ZNF143: variants seen among roughly 807,000 people sequenced by gnomAD.
ZNF143 encodes zinc finger protein 143.
Under a neutral mutation model 74.1 loss-of-function variants are expected in ZNF143, and 49 were observed. The ratio of observed to expected loss-of-function variants is 0.66; its 90% CI spans 0.53 to 0.84. The LOEUF (loss-of-function observed/expected upper bound fraction) is 0.84, where lower values mean the gene tolerates loss of function less well. Among genes scored for constraint, ZNF143 ranks in the 40% least tolerant of loss-of-function variants. The probability of loss-of-function intolerance (pLI) is 0.00; values close to 1 mark genes in which losing one functional copy is unlikely to be tolerated. For missense variants in ZNF143, 637 were observed against 793.4 expected (o/e 0.80, Z 2.37); for synonymous variants, 304 against 282.8 (o/e 1.07, Z -0.75).
rs902462961 is a variant in ZNF143, at chr11:9,489,797, T to G, written c.646-4849T>G. On this transcript the variant is annotated intron_variant, in intron 7 of 15. Coordinates refer to ENST00000396602, the MANE Select transcript of ZNF143 (RefSeq NM_003442.6). ...GAAGAAGAGTCCTTTTCTCTTAATT[T>G]GGAGTCTTCAATTGAAATCTGCCTT... Among the ~76,000 whole-genome samples, 2 of 152,210 alleles carry G rather than the reference T, an allele frequency of 1.3e-5. 1 individual carries two copies. Among genetic ancestry groups the G allele is most frequent in the South Asian group, 4.1e-4 (2 of 4,836 alleles).
intron 9 of ZNF143, 97 bp from the exon 10 acceptor site, chr11:9,497,578 A>G: frequency 1.0e-6 from 1 of 954,534 alleles, no homozygotes; most frequent in Non-Finnish European, 1.5e-6. Flanking sequence ...CTGATATTTT[A>G]TACTTGGTAT....
At chr11:9,485,343 C>A (rs1463850511) in intron 7 of ZNF143, among the ~76,000 whole-genome samples, 2 of 140,680 alleles carry the variant, frequency 1.4e-5, no homozygotes, top group Non-Finnish European at 1.5e-5. Context: ...TTTTTTCTCT[C>A]TCTCTTTTTT....
chr11:9,495,224 A>G (rs1452184542), intron 8 of ZNF143, among the ~76,000 whole-genome samples: 1 of 152,132 alleles, frequency 6.6e-6, no homozygotes, highest in Admixed American at 6.6e-5. Context: ...CGGGTGGATC[A>G]CCTGAGGTCA....
intron 12 of ZNF143, among the ~76,000 whole-genome samples, chr11:9,510,701 A>G (rs537824326): frequency 6.6e-6 from 1 of 152,254 alleles, no homozygotes; most frequent in Admixed American, 6.5e-5. Flanking sequence ...AAGTACTCTT[A>G]GATTAGCATA....
At chr11:9,515,597 T>C (rs1848693990) in intron 13 of ZNF143, among the ~76,000 whole-genome samples, 1 of 146,410 alleles carries the variant, frequency 6.8e-6, no homozygotes, top group Non-Finnish European at 1.5e-5. Context: ...GAGCTTCCAG[T>C]AAGCAGAGAT....
intron 7 of ZNF143, among the ~76,000 whole-genome samples, chr11:9,486,429 T>TATAATTA (rs1554964464): frequency 2.2e-5 from 1 of 45,224 alleles, no homozygotes; most frequent in Non-Finnish European, 4.4e-5. Flanking sequence ...ATTATATATA[T>TATAATTA]TATATATATA....
At chr11:9,516,161 A>C (rs770520535) in intron 13 of ZNF143, 40 bp from the exon 14 acceptor site, 150 of 1,605,640 alleles carry the variant, frequency 9.3e-5, no homozygotes, top group Non-Finnish European at 1.2e-4. Flanking sequence ...CAGCTATAAC[A>C]AGAAACATTG....
chr11:9,486,509 A>G (rs1200297327), intron 7 of ZNF143, among the ~76,000 whole-genome samples: 1 of 119,236 alleles, frequency 8.4e-6, no homozygotes, highest in Non-Finnish European at 1.7e-5. Context: ...GTCAGGGACT[A>G]GCAGATCTCT....
chr11:9,480,900 GAAAAA>G (rs996501321), intron 7 of ZNF143, among the ~76,000 whole-genome samples: 6 of 147,932 alleles, frequency 4.1e-5, no homozygotes, highest in African/African-American at 1.5e-4. Context: ...AAAAAAAAAA[GAAAAA>G]AGAAAAAGAA....
chr11:9,477,156 T>A (rs1301202357), intron 5 of ZNF143, among the ~76,000 whole-genome samples: 1 of 143,670 alleles, frequency 7.0e-6, no homozygotes, highest in East Asian at 2.0e-4. Context: ...CCTTCCTTCC[T>A]TCCTTCCTTC....
chr11:9,492,744 A>C (rs1197840518), intron 7 of ZNF143, among the ~76,000 whole-genome samples: 1 of 152,220 alleles, frequency 6.6e-6, no homozygotes, highest in Non-Finnish European at 1.5e-5. Flanking sequence ...TTTCAGGGTG[A>C]ACCTAGCACT....
intron 14 of ZNF143, among the ~76,000 whole-genome samples, chr11:9,521,473 G>A (rs1848924308): frequency 6.6e-6 from 1 of 152,044 alleles, no homozygotes; most frequent in African/African-American, 2.4e-5. Context: ...TCTGATAGTT[G>A]TGTAAGATTG....
chr11:9,516,423 G>T lies in ZNF143; in HGVS notation c.1686+61G>T, dbSNP rs1179678252. 2.8e-6 allele frequency: 4 copies of T among 1,448,540 alleles called. No homozygotes were observed. In the East Asian group the frequency reaches 9.8e-5, roughly 35 times the overall value. 89.7% of individuals were successfully genotyped at this position (1,448,540 alleles called of 1,614,324 possible). A position where few individuals can be genotyped will look rare whatever the true frequency, so the allele number is the denominator to read the frequency against. On this transcript the variant is annotated intron_variant, in intron 14 of 15. Coordinates refer to ENST00000396602, the MANE Select transcript of ZNF143 (RefSeq NM_003442.6). ...ATATCAGTACCAAAACAGTTACATA[G>T]GTATGCAATGTGGTACAACAGTTAA... is the stretch of plus-strand genomic sequence containing the variant.
chr11:9,526,343 G>T (rs1170305716), intron 15 of ZNF143, among the ~76,000 whole-genome samples: 1 of 152,022 alleles, frequency 6.6e-6, no homozygotes, highest in Non-Finnish European at 1.5e-5. Context: ...AACAGAGCGA[G>T]ACCCTGTCTC....
chr11:9,486,396 AATATAT>A (rs1847507428), intron 7 of ZNF143, among the ~76,000 whole-genome samples: 17 of 11,910 alleles, frequency 1.4e-3, no homozygotes, highest in Non-Finnish European at 2.4e-3. Flanking sequence ...TAATATATAT[AATATAT>A]TATATATATA....
At chr11:9,502,909 C>T (rs1419657516) in intron 11 of ZNF143, among the ~76,000 whole-genome samples, 2 of 152,128 alleles carry the variant, frequency 1.3e-5, no homozygotes, top group African/African-American at 4.8e-5. Context: ...CGGCTCACTG[C>T]AAGCTCCGCC....
chr11:9,482,459 A>G lies in ZNF143; in HGVS notation c.645+2913A>G, dbSNP rs906258792. Among the ~76,000 whole-genome samples the G allele has an allele frequency of 2.3e-4, 32 of 140,188 alleles. 2 individuals are homozygous for G. Among genetic ancestry groups the G allele is most frequent in the Admixed American group, 7.9e-4 (11 of 14,012 alleles). The allele number at this position is 140,188 out of a possible 152,430, so 92.0% of individuals were successfully genotyped here. A position where few individuals can be genotyped will look rare whatever the true frequency, so the allele number is the denominator to read the frequency against. On this transcript the variant is annotated intron_variant, in intron 7 of 15. Transcript: ENST00000396602. The stretch of plus-strand genomic sequence containing the variant: ...CTAATTTTTTGTATTTTTAGTACAG[A>G]TGGGGTTTCACTGTGTTAGCCAGGA...
intron 14 of ZNF143, among the ~76,000 whole-genome samples, chr11:9,522,683 G>A (rs562287930): frequency 6.6e-5 from 10 of 151,494 alleles, no homozygotes; most frequent in South Asian, 6.3e-4. Context: ...TAGTAGAGAC[G>A]GGGTCTCACC....
intron 5 of ZNF143, among the ~76,000 whole-genome samples, chr11:9,476,003 C>G (rs1181052134): frequency 6.7e-6 from 1 of 149,008 alleles, no homozygotes; most frequent in African/African-American, 2.5e-5. Flanking sequence ...TTAATTGAAA[C>G]TAAGTATACA....
Sources: gnomAD v4.1 joint callset for allele counts (sites outside exome capture counted in the v4.1 genomes callset) on GRCh38, gnomAD v4.1.1 for gene constraint, MANE v1.5 for transcripts, NCBI Gene and HGNC (gene_info 2026-07-23, HGNC 2026-07-21) for gene names.